The following CEP290 variants were observed in gnomAD, a reference collection of about 807,000 sequenced individuals.
The protein encoded by CEP290 is centrosomal protein of 290 kDa.
Under a neutral mutation model 344.9 loss-of-function variants are expected in CEP290, and 317 were observed. The observed-to-expected ratio is 0.92, with a 90% confidence interval of 0.84 to 1.01. The LOEUF (loss-of-function observed/expected upper bound fraction) is 1.01. Ranked by LOEUF, CEP290 falls within the 50% of genes least tolerant of loss-of-function variation. The pLI, the probability that CEP290 is intolerant of heterozygous loss-of-function variation, is 0.00. For synonymous variants in CEP290, 932 were observed against 895.8 expected, an observed-to-expected ratio of 1.04 and a Z score of -0.72; for missense variants, 2,754 against 2,761.4, an observed-to-expected ratio of 1.00 and a Z score of 0.06.
intron 46 of CEP290, among the ~76,000 whole-genome samples, chr12:88,062,433 T>A (rs143335658): frequency 6.6e-6 from 1 of 152,100 alleles, no homozygotes; most frequent in Non-Finnish European, 1.5e-5. Flanking sequence ...ACAAAAGGAT[T>A]CCTGGAAGTT....
chr12:88,066,632 T>C (rs1178990247), intron 44 of CEP290, among the ~76,000 whole-genome samples: 1 of 151,740 alleles, frequency 6.6e-6, no homozygotes, highest in Non-Finnish European at 1.5e-5. Flanking sequence ...GCACAGAGCC[T>C]AACACCATTT....
chr12:88,053,330 A>G (rs1286256144), intron 52 of CEP290, among the ~76,000 whole-genome samples: 1 of 152,196 alleles, frequency 6.6e-6, no homozygotes, highest in East Asian at 1.9e-4. Context: ...GAGGACTTGA[A>G]AGAGCCTATA....
chr12:88,051,570 C>G (rs987931951), intron 52 of CEP290: 1 of 152,250 alleles, frequency 6.6e-6, no homozygotes, highest in South Asian at 2.1e-4. Flanking sequence ...CAAAACAGTT[C>G]TGGTTTGATC....
chr12:88,138,225 A>C (rs1358381625), intron 5 of CEP290, among the ~76,000 whole-genome samples: 2 of 152,204 alleles, frequency 1.3e-5, no homozygotes, highest in East Asian at 3.9e-4. Context: ...TCTTGATTTT[A>C]TCTATTCAGT....
At chr12:88,113,930 A>G (rs2038877875) in intron 20 of CEP290, among the ~76,000 whole-genome samples, 2 of 152,096 alleles carry the variant, frequency 1.3e-5, no homozygotes, top group African/African-American at 4.8e-5. Context: ...AAGCAAGCAG[A>G]TTTTGGGAAA....
chr12:88,060,953 G>A lies in CEP290; in HGVS notation c.6399C>T (p.Thr2133=). ...SGKTIPELEK[T]IGLMKKVVEK... is the part of the protein sequence containing the mutation. Reference sequence around the variant, plus strand: ...CAACTACTTTTTTCATTAAACCAATGGTTTTTTCCAGTTCTGGGATTGTCT... The same window carrying A: ...CAACTACTTTTTTCATTAAACCAATAGTTTTTTCCAGTTCTGGGATTGTCT... The change falls in exon 47 of 54, where the codon ACC becomes ACT. Residue 2133 remains threonine (T), a synonymous_variant. Transcript: ENST00000552810. The A allele has an allele frequency of 6.4e-7, 1 of 1,560,560 alleles. No individual in the cohort carries two copies. The highest frequency in any genetic ancestry group is 8.7e-7 in the Non-Finnish European group (1 of 1,151,510).
At chr12:88,054,203 A>G in intron 51 of CEP290, 137 bp downstream of exon 51, 1 of 606,692 alleles carries the variant, frequency 1.6e-6, no homozygotes. Flanking sequence ...GAGGGAAGAA[A>G]TAAGGACCTA....
intron 46 of CEP290, among the ~76,000 whole-genome samples, chr12:88,061,480 T>C (rs919205816): frequency 2.0e-5 from 3 of 152,186 alleles, no homozygotes; most frequent in Admixed American, 6.6e-5. Context: ...AAGAGTTATC[T>C]GAAATAAAAA....
chr12:88,109,191 G>T lies in CEP290; in HGVS notation c.2368-10C>A. 1.1e-6 allele frequency: 1 copy of T among 932,314 alleles called. No homozygotes were observed. Among genetic ancestry groups the T allele is most frequent in the Non-Finnish European group, 1.6e-6 (1 of 630,988 alleles). The allele number at this position is 932,314 out of a possible 1,614,324, so 57.8% of individuals were successfully genotyped here. On this transcript the variant is annotated splice_polypyrimidine_tract_variant and intron_variant, in intron 22 of 53. Coordinates refer to ENST00000552810, the MANE Select transcript of CEP290 (RefSeq NM_025114.4). ...CTTTATTTTCTAGTTCCTGAAAAGT[G>T]GTTTAGAAATAAGAATGCAAAAAAA...
At chr12:88,112,263 G>A (rs1422498311) in intron 20 of CEP290, among the ~76,000 whole-genome samples, 1 of 152,022 alleles carries the variant, frequency 6.6e-6, no homozygotes, top group Non-Finnish European at 1.5e-5. Flanking sequence ...TGGGGTTTTT[G>A]TACAGTCAAA....
intron 53 of CEP290, chr12:88,049,961 C>G: frequency 6.0e-6 from 1 of 166,648 alleles, no homozygotes. Context: ...ATTCTCATAT[C>G]CATGCCTTTT....
At chr12:88,100,144 C>T (rs1857970056) in intron 26 of CEP290, among the ~76,000 whole-genome samples, 1 of 151,936 alleles carries the variant, frequency 6.6e-6, no homozygotes, top group Non-Finnish European at 1.5e-5. Context: ...CTGGTGGGCA[C>T]CTGTAATTCC....
intron 44 of CEP290, among the ~76,000 whole-genome samples, chr12:88,064,865 T>C (rs1402810669): frequency 1.3e-5 from 2 of 152,120 alleles, no homozygotes; most frequent in Non-Finnish European, 2.9e-5. Flanking sequence ...TACAGCCACC[T>C]TAGCAAATGA....
At chr12:88,074,781 A>G (rs545171336) in intron 41 of CEP290, among the ~76,000 whole-genome samples, 8 of 152,298 alleles carry the variant, frequency 5.3e-5, no homozygotes, top group Non-Finnish European at 8.8e-5. Context: ...GCTTCCCTAA[A>G]AACCAAGAGG....
At chr12:88,077,089 T>A in intron 41 of CEP290, 133 bp downstream of exon 41, 1 of 806,696 alleles carries the variant, frequency 1.2e-6, no homozygotes, top group South Asian at 2.2e-5. Context: ...CTGCTTATAG[T>A]CCTCAAAATT....
Position 88,118,729 on chromosome 12 carries a change from T to C in CEP290, c.1537A>G (p.Thr513Ala). 1 of 1,611,752 alleles carries C rather than the reference T, an allele frequency of 6.2e-7. No homozygotes were observed. Among genetic ancestry groups the C allele is most frequent in the Non-Finnish European group, 8.5e-7 (1 of 1,178,958 alleles). The change falls in exon 16 of 54, where the codon ACA (threonine) becomes GCA (alanine). Residue 513 changes from threonine to alanine, a missense_variant. Coordinates refer to ENST00000552810, the MANE Select transcript of CEP290 (RefSeq NM_025114.4). ...LRERVGLEPKTMIDLTEFRNS... is the reference protein window; with the variant it reads ...LRERVGLEPKAMIDLTEFRNS... ...CTAAATTCAGTTAAATCAATCATTG[T>C]CTTTGGTTCAAGGCCTACAATAGAA...
rs968056645 is a variant in CEP290 at position 88,057,345 on chromosome 12, G to T, written c.6818+1503C>A. 5.9e-5 allele frequency among the ~76,000 whole-genome samples: 9 copies of T among 152,264 alleles called. 1 individual carries two copies. In the Middle Eastern group the frequency reaches 0.024, roughly 403 times the overall value. On this transcript the variant is annotated intron_variant, in intron 49 of 53. Transcript: ENST00000552810. ...AATATCCAACATAAAGCAGAGTCTG[G>T]CAATAGGAGGTACTAAGTAAATATC...
At chr12:88,072,201 A>C (rs139608839) in intron 41 of CEP290, among the ~76,000 whole-genome samples, 9 of 152,240 alleles carry the variant, frequency 5.9e-5, no homozygotes, top group African/African-American at 2.2e-4. Flanking sequence ...CAAACACAAA[A>C]TTCACTTATG....
At chr12:88,058,720 T>C (rs1221776718) in intron 49 of CEP290, 128 bp downstream of exon 49, 8 of 916,476 alleles carry the variant, frequency 8.7e-6, no homozygotes, top group African/African-American at 1.7e-5. Context: ...AAGTATTATG[T>C]TAAAACAACA....
Sources: gnomAD v4.1 joint callset for allele counts (sites outside exome capture counted in the v4.1 genomes callset) on GRCh38, gnomAD v4.1.1 for gene constraint, MANE v1.5 for transcripts, NCBI Gene and HGNC (gene_info 2026-07-23, HGNC 2026-07-21) for gene names.